Variants in PRKG1 observed in about 807,000 individuals in gnomAD.
The protein encoded by PRKG1 is protein kinase cGMP-dependent 1, also known as cGMP-dependent protein kinase 1.
In PRKG1, 35 loss-of-function variants were observed where a neutral mutation model predicts 88.1. The observed-to-expected ratio is 0.40, with a 90% CI of 0.30 to 0.53. The LOEUF is 0.53. Among genes scored for constraint, PRKG1 ranks in the 20% least tolerant of loss-of-function variants. PRKG1 has a pLI of 0.59. For missense variants in PRKG1, 540 were observed against 839.8 expected (o/e 0.64, Z 4.41); for synonymous variants, 303 against 292.5 (o/e 1.04, Z -0.37).
intron 3 of PRKG1, among the ~76,000 whole-genome samples, chr10:51,716,720 G>A (rs761012143): frequency 6.6e-6 from 1 of 152,108 alleles, no homozygotes; most frequent in African/African-American, 2.4e-5. Flanking sequence ...ATGGAGTCTC[G>A]CTCTGTCTGT....
At chr10:51,171,620 C>G (rs1007779303) in intron 2 of PRKG1, among the ~76,000 whole-genome samples, 2 of 152,096 alleles carry the variant, frequency 1.3e-5, no homozygotes, top group African/African-American at 4.8e-5. Flanking sequence ...ATCCTCCTGT[C>G]TAGTACTTAC....
At chr10:51,997,425 C>G (rs1199968231) in intron 5 of PRKG1, among the ~76,000 whole-genome samples, 1 of 147,604 alleles carries the variant, frequency 6.8e-6, no homozygotes, top group Admixed American at 6.8e-5. Flanking sequence ...GAGCCGAGAT[C>G]GCACCACTGC....
chr10:51,513,046 G>T (rs527239264), intron 3 of PRKG1, among the ~76,000 whole-genome samples: 175 of 150,990 alleles, frequency 1.2e-3, no homozygotes, highest in African/African-American at 4.2e-3. Context: ...GGGGTTGTTT[G>T]TTTTTTTCTT....
chr10:51,975,950 G>GA (rs1157320965), intron 5 of PRKG1, among the ~76,000 whole-genome samples: 1 of 151,904 alleles, frequency 6.6e-6, no homozygotes, highest in African/African-American at 2.4e-5. Flanking sequence ...AGAAACAGGG[G>GA]AAAGAATTTG....
chr10:52,046,714 C>G (rs1845871027), intron 5 of PRKG1: 1 of 152,140 alleles, frequency 6.6e-6, no homozygotes, highest in African/African-American at 2.4e-5. Context: ...GCTATGCTGA[C>G]TCTCTAATTG....
rs1394968121 is a variant in PRKG1, at chr10:51,000,926, CTGTATCTG to C, written c.266+9286_266+9293del. On this transcript the variant is annotated intron_variant, in intron 1 of 17. Coordinates refer to the PRKG1 transcript ENST00000401604. ...TTGAAGAATTCTGGCCGAGTTCTCT[CTGTATCTG>C]TGTTTGAATGACTCCTTGCATGCTG... 2.6e-5 allele frequency among the ~76,000 whole-genome samples: 4 copies of C among 152,180 alleles called. No individual in the cohort carries two copies. The East Asian group carries it at 7.7e-4, about 29-fold the overall frequency.
intron 2 of PRKG1, among the ~76,000 whole-genome samples, chr10:51,306,973 A>C (rs7072335): frequency 0.092 from 14,062 of 152,084 alleles, 1,083 homozygotes; most frequent in African/African-American, 0.21. Flanking sequence ...ACCATCTTCC[A>C]CCTGCTGCCT....
chr10:51,395,003 TA>T (rs1468113790), intron 2 of PRKG1, among the ~76,000 whole-genome samples: 1 of 152,230 alleles, frequency 6.6e-6, no homozygotes, highest in East Asian at 1.9e-4. Context: ...TTGTCAATAT[TA>T]GTATGACACA....
intron 9 of PRKG1, among the ~76,000 whole-genome samples, chr10:52,232,191 T>A (rs1167374024): frequency 6.6e-6 from 1 of 151,930 alleles, no homozygotes; most frequent in Non-Finnish European, 1.5e-5. Flanking sequence ...TAGTCCCAGC[T>A]GCCAAGGAGG....
intron 2 of PRKG1, among the ~76,000 whole-genome samples, chr10:51,171,079 A>G (rs1364379206): frequency 6.6e-6 from 1 of 152,162 alleles, no homozygotes; most frequent in East Asian, 1.9e-4. Flanking sequence ...GGTCAAATTT[A>G]GGAACTGTTT....
chr10:51,086,095 A>G (rs1439180103), intron 1 of PRKG1, among the ~76,000 whole-genome samples: 2 of 152,212 alleles, frequency 1.3e-5, no homozygotes, highest in African/African-American at 4.8e-5. Context: ...CTAAGCGAGA[A>G]CTAAGTGATT....
chr10:52,023,214 C>A (rs1845234349), intron 5 of PRKG1, among the ~76,000 whole-genome samples: 1 of 152,144 alleles, frequency 6.6e-6, no homozygotes, highest in Non-Finnish European at 1.5e-5. Flanking sequence ...TGGTTTCCAG[C>A]TTCATCCATG....
intron 3 of PRKG1, among the ~76,000 whole-genome samples, chr10:51,512,415 A>G (rs1002552492): frequency 7.4e-6 from 1 of 135,062 alleles, no homozygotes; most frequent in South Asian, 2.5e-4. Flanking sequence ...TCATTGTTCA[A>G]TTTCCACCTA....
At chr10:51,624,503 A>G (rs1430878577) in intron 3 of PRKG1, among the ~76,000 whole-genome samples, 1 of 152,168 alleles carries the variant, frequency 6.6e-6, no homozygotes, top group Non-Finnish European at 1.5e-5. Context: ...TTCTTCTTTC[A>G]TATCACTGCT....
At chr10:51,931,379 C>T (rs1842692033) in intron 5 of PRKG1, among the ~76,000 whole-genome samples, 1 of 152,128 alleles carries the variant, frequency 6.6e-6, no homozygotes, top group African/African-American at 2.4e-5. Flanking sequence ...TTTGGGAGGC[C>T]ATGGCCAGAA....
Position 51,166,105 on chromosome 10 carries a change from C to T in PRKG1, c.478+12775C>T, listed in dbSNP as rs187176050. 1.9e-3 allele frequency among the ~76,000 whole-genome samples: 283 copies of T among 150,248 alleles called. 4 individuals are homozygous for T. The highest frequency in any genetic ancestry group is 0.016 in the Admixed American group (239 of 15,092). On this transcript the variant is annotated intron_variant, in intron 2 of 17. Transcript: ENST00000373980. ...ATTACTTTTCTATTACCTTGCATTT[C>T]GTCTTGTTTTAGAATATTTAATACC...
chr10:52,166,876 T>C (rs1838486603), intron 9 of PRKG1, among the ~76,000 whole-genome samples: 1 of 55,288 alleles, frequency 1.8e-5, no homozygotes, highest in South Asian at 1.2e-3. Flanking sequence ...TATATGTGTA[T>C]GTATACACAC....
intron 8 of PRKG1, among the ~76,000 whole-genome samples, chr10:52,161,560 A>G (rs79033872): frequency 0.049 from 7,428 of 152,136 alleles, 501 homozygotes; most frequent in African/African-American, 0.16. Flanking sequence ...TAATTGACTG[A>G]TTAACTTTGT....
At chr10:51,603,963 T>G (rs536127024) in intron 3 of PRKG1, among the ~76,000 whole-genome samples, 1 of 152,232 alleles carries the variant, frequency 6.6e-6, no homozygotes, top group Admixed American at 6.5e-5. Flanking sequence ...CCATCCGGAA[T>G]CCCAAGGTCT....
Sources: gnomAD v4.1 joint callset for allele counts (sites outside exome capture counted in the v4.1 genomes callset) on GRCh38, gnomAD v4.1.1 for gene constraint, MANE v1.5 for transcripts, NCBI Gene and HGNC (gene_info 2026-07-23, HGNC 2026-07-21) for gene names.